Variants in COL5A3 observed in about 807,000 individuals in gnomAD.
COL5A3 encodes the protein collagen type V alpha 3 chain.
A neutral mutation model predicts 250.0 loss-of-function variants in COL5A3; 172 were observed. The observed-to-expected ratio is 0.69, with a 90% confidence interval of 0.61 to 0.78. The LOEUF (loss-of-function observed/expected upper bound fraction) is 0.78, where lower values mean the gene tolerates loss of function less well. COL5A3 is among the 30% of genes least tolerant of loss of function. The probability of loss-of-function intolerance (pLI) is 0.00; values close to 1 mark genes in which losing one functional copy is unlikely to be tolerated. For synonymous variants in COL5A3, 937 were observed against 900.4 expected (o/e 1.04, Z -0.73); for missense variants, 2,340 against 2,334.4 (o/e 1.00, Z -0.05).
chr19:10,002,295 G>A (rs2087375375), intron 6 of COL5A3, among the ~76,000 whole-genome samples: 2 of 151,770 alleles, frequency 1.3e-5, no homozygotes, highest in African/African-American at 4.8e-5. Flanking sequence ...GGTGTGGGAA[G>A]AGGGTGGTGG....
chr19:10,002,383 A>G (rs1479265471), intron 6 of COL5A3, among the ~76,000 whole-genome samples: 5 of 151,990 alleles, frequency 3.3e-5, no homozygotes, highest in African/African-American at 1.2e-4. Context: ...TTCTTGGCCA[A>G]GAAGATCTGG....
intron 54 of COL5A3, 27 bp from the exon 55 acceptor site, chr19:9,969,949 G>T (rs773165871): frequency 3.9e-5 from 62 of 1,610,288 alleles, no homozygotes; most frequent in Non-Finnish European, 5.0e-5. Context: ...AGTGAGGGGG[G>T]TCTAGGGGCT....
At chr19:9,993,147 C>T (rs2087218834) in intron 19 of COL5A3, 80 bp from the exon 20 acceptor site, 8 of 1,458,382 alleles carry the variant, frequency 5.5e-6, no homozygotes, top group Middle Eastern at 1.8e-4. Context: ...GCAGCCCCTT[C>T]CAGGGGGTCT....
intron 6 of COL5A3, among the ~76,000 whole-genome samples, chr19:10,002,937 C>A (rs1032865801): frequency 2.0e-5 from 3 of 152,140 alleles, no homozygotes; most frequent in Non-Finnish European, 2.9e-5. Flanking sequence ...AACAACCCCC[C>A]AGTCATTGAC....
chr19:9,963,561 T>TTGGGG (rs1555733032), intron 64 of COL5A3, among the ~76,000 whole-genome samples: 1 of 40,118 alleles, frequency 2.5e-5, no homozygotes, highest in African/African-American at 8.0e-5. Flanking sequence ...CTGTTTTTTT[T>TTGGGG]GGGGGGGGGG....
Position 9,970,640 on chromosome 19 carries a change from G to C in COL5A3, c.3918C>G (p.Pro1306=), listed in dbSNP as rs765409239. Residue 1306 remains proline (P), a synonymous_variant, in exon 54 of 67, where the codon CCC becomes CCG. Transcript: ENST00000264828. ...PPGASGEPGA[P]GPPGKRGPSG... ...CACTTACCCTCTTGCCGGGGGGCCC[G>C]GGGGCGCCGGGCTCCCCAGAAGCTC... 3.5e-6 allele frequency: 5 copies of C among 1,444,856 alleles called. No individual in the cohort carries two copies. Among genetic ancestry groups the C allele is most frequent in the Admixed American group, 5.6e-5 (2 of 35,582 alleles). 89.5% of individuals were successfully genotyped at this position (1,444,856 alleles called of 1,614,324 possible). A position where few individuals can be genotyped will look rare whatever the true frequency, so the allele number is the denominator to read the frequency against.
Position 9,996,219 on chromosome 19 carries a change from C to T in COL5A3, c.1466G>A (p.Arg489His), listed in dbSNP as rs144489384. Residue 489 changes from arginine (R) to histidine (H), a missense_variant, in exon 14 of 67, where the codon CGC (arginine) becomes CAC (histidine). Physicochemically the swap from Arg to His is conservative, Grantham distance 29 (BLOSUM62 0). This residue lies in a region of COL5A3 where 1,152 missense variants were observed against 1,146.3 expected (regional missense o/e 1.00). Coordinates refer to ENST00000264828, the MANE Select transcript of COL5A3 (RefSeq NM_015719.4). ...CGCCTTACTCACCACAGGGCCTGGG[C>T]GCCCAGTGAGCCCCACTGGACCAGG... ...GPPGPVGLTGRPGPVGLPGHP... is the reference protein window; with the variant it reads ...GPPGPVGLTGHPGPVGLPGHP... The T allele has an allele frequency of 1.6e-5, 25 of 1,576,314 alleles. No individual in the cohort carries two copies. The highest frequency in any genetic ancestry group is 2.0e-5 in the Non-Finnish European group (23 of 1,163,220).
Position 10,005,573 on chromosome 19 carries a change from C to T in COL5A3, c.579G>A (p.Gly193=), listed in dbSNP as rs1273275024. The part of the protein sequence containing the change: ...GLTVLGTQDL[G]EKTFEGDIQE... ...GAACTCCTACCTCGAAAGTCTTTTC[C>T]CCAAGGTCCTGGGTCCCCAGCACAG... Residue 193 remains glycine, a synonymous_variant, in exon 4 of 67, where the codon GGG becomes GGA. Transcript: ENST00000264828. 2 of 1,614,160 alleles carry T rather than the reference C, an allele frequency of 1.2e-6. No homozygotes were observed. Among genetic ancestry groups the T allele is most frequent in the Non-Finnish European group, 8.5e-7 (1 of 1,180,036 alleles).
At position 9,970,662 on chromosome 19, in the gene COL5A3, G is replaced by T; in HGVS notation, c.3896C>A (p.Ala1299Asp). 11 of 1,448,662 alleles carry T rather than the reference G, an allele frequency of 7.6e-6. No individual in the cohort carries two copies. Among genetic ancestry groups the T allele is most frequent in the Non-Finnish European group, 9.1e-6 (10 of 1,101,726 alleles). 89.7% of individuals were successfully genotyped at this position (1,448,662 alleles called of 1,614,324 possible). ...CCCGGGGGCGCCGGGCTCCCCAGAA[G>T]CTCCAGGCGGACCCTGGAGGAGACA... ...GDVGGPGPPG[A>D]SGEPGAPGPP... Residue 1299 changes from alanine (A) to aspartate (D), a missense_variant, in exon 54 of 67, where the codon GCT becomes GAT. Around this residue, in one of 3 missense-constraint regions of COL5A3, gnomAD observed 1,179 missense variants for 1,162.6 expected, o/e 1.01. Transcript: ENST00000264828.
chr19:9,970,447 AGTGGGGTCTGTGGGTGT>A (rs1599533959), intron 54 of COL5A3, among the ~76,000 whole-genome samples, 158 bp downstream of exon 54: 2,708 of 26,466 alleles, frequency 0.1, 220 homozygotes, highest in African/African-American at 0.14. Context: ...TCTGTGGGTG[AGTGGGGTCTGTGGGTGT>A]GTGGGGTCTG....
chr19:9,993,719 C>T (rs984495258), intron 17 of COL5A3, 34 bp downstream of exon 17: 10 of 1,613,996 alleles, frequency 6.2e-6, no homozygotes, highest in Non-Finnish European at 8.5e-6. Flanking sequence ...CCTGACAGCT[C>T]CCACCAAGTC....
rs1049598556 is a variant in COL5A3 at position 10,009,167 on chromosome 19, T to G, written c.88+1131A>C. Among the ~76,000 whole-genome samples, 1 of 66,698 alleles carries G rather than the reference T, an allele frequency of 1.5e-5. No individual in the cohort carries two copies. Among genetic ancestry groups the G allele is most frequent in the African/African-American group, 5.2e-5 (1 of 19,248 alleles). 43.8% of individuals were successfully genotyped at this position (66,698 alleles called of 152,430 possible). A position where few individuals can be genotyped will look rare whatever the true frequency, so the allele number is the denominator to read the frequency against. ...AAAGTAAGAAGTGTGCTGTGGTGTG[T>G]GTGTGTGTGTGTGTGTGTGTGTGTG... On this transcript the variant is annotated intron_variant, in intron 1 of 66. Transcript: ENST00000264828. This position sits in a 1 kb window ranked among gnomAD's most constrained non-coding sequence, Gnocchi z 4.4.
In COL5A3 at chr19:9,960,949, G is replaced by T. The variant is rs2086665103; in HGVS notation, c.4852-59C>A. On this transcript the variant is annotated intron_variant, in intron 65 of 66. Transcript: ENST00000264828. ...GCTCCATGAGCCTCTTTCTGCAGAA[G>T]CCACCCCCTGGAATCTCCATCCACT... The T allele has an allele frequency of 2.5e-6, 4 of 1,582,082 alleles. No homozygotes were observed. In the East Asian group the frequency reaches 9.0e-5, roughly 35 times the overall value.
intron 7 of COL5A3, 43 bp from the exon 8 acceptor site, chr19:10,001,713 A>G (rs1484014832): frequency 6.2e-7 from 1 of 1,612,492 alleles, no homozygotes; most frequent in African/African-American, 1.3e-5. Context: ...TGACCTCCTT[A>G]TTTTCTGCCA....
chr19:9,993,243 A>G, intron 19 of COL5A3, 137 bp downstream of exon 19: 2 of 1,131,054 alleles, frequency 1.8e-6, no homozygotes, highest in Non-Finnish European at 2.7e-6. Flanking sequence ...TAGACCTGCA[A>G]GTCTCACCTC....
At chr19:10,006,774 A>G (rs1599233328) in intron 1 of COL5A3, among the ~76,000 whole-genome samples, 1 of 149,114 alleles carries the variant, frequency 6.7e-6, no homozygotes, top group African/African-American at 2.5e-5. Context: ...GCCTCTGACC[A>G]TGCCCACTAA....
chr19:9,999,136 T>TTTCCTTCCTTCCTTCCTTCC lies in COL5A3; in HGVS notation c.1111-1007_1111-988dup, dbSNP rs142456677. 2.1e-3 allele frequency among the ~76,000 whole-genome samples: 272 copies of TTTCCTTCCTTCCTTCCTTCC among 126,732 alleles called. 7 individuals are homozygous for TTTCCTTCCTTCCTTCCTTCC. The highest frequency in any genetic ancestry group is 7.3e-3 in the African/African-American group (231 of 31,568). The allele number at this position is 126,732 out of a possible 152,430, so 83.1% of individuals were successfully genotyped here. A position where few individuals can be genotyped will look rare whatever the true frequency, so the allele number is the denominator to read the frequency against. On this transcript the variant is annotated intron_variant, in intron 8 of 66. Transcript: ENST00000264828. Reference sequence around the variant, plus strand: ...GGCTTTTCCTTTTTTCTCTCTCTTTTTTCCTTCCTTCCTTCCTTCCTTCCT... The same window carrying TTTCCTTCCTTCCTTCCTTCC: ...GGCTTTTCCTTTTTTCTCTCTCTTTTTTCCTTCCTTCCTTCCTTCCTTCCTTCCTTCCTTCCTTCCTTCCT...
chr19:10,000,397 T>C (rs2087342772), intron 8 of COL5A3, among the ~76,000 whole-genome samples: 1 of 148,240 alleles, frequency 6.7e-6, no homozygotes, highest in Non-Finnish European at 1.5e-5. Context: ...CGGGCTTCCC[T>C]GCTGCCCCTC....
chr19:9,993,380 C>A lies in COL5A3; in HGVS notation c.1749G>T (p.Arg583Ser). ...GGCCCTAACTCTCTTCCAAACTTAC[C>A]CTCTCACCATCCTCTCCTGGGGGAC... is the stretch of plus-strand genomic sequence containing the variant. ...QPGPPGEDGERGAEGPPGPTG... is the reference protein window; with the variant it reads ...QPGPPGEDGESGAEGPPGPTG... Residue 583 changes from arginine to serine, a missense_variant and splice_region_variant, in exon 19 of 67, where the codon AGG becomes AGT. This residue lies in a region of COL5A3 where 1,152 missense variants were observed against 1,146.3 expected (regional missense o/e 1.00). Coordinates refer to ENST00000264828, the MANE Select transcript of COL5A3 (RefSeq NM_015719.4). The A allele has an allele frequency of 6.2e-7, 1 of 1,614,120 alleles. No homozygotes were observed. The highest frequency in any genetic ancestry group is 1.1e-5 in the South Asian group (1 of 91,080).
Sources: allele counts gnomAD v4.1 joint callset (sites outside exome capture counted in the v4.1 genomes callset), GRCh38; gene constraint gnomAD v4.1.1; regional missense constraint gnomAD v4.1.1; non-coding constraint Gnocchi (gnomAD v3.1); transcripts MANE v1.5; gene names NCBI Gene and HGNC (gene_info 2026-07-23, HGNC 2026-07-21).